TTC17: variants seen among roughly 807,000 people sequenced by gnomAD.
The protein encoded by TTC17 is tetratricopeptide repeat protein 17.
TTC17 carries 58 observed loss-of-function variants against 143.8 expected under a neutral mutation model. The observed-to-expected ratio is 0.40, with a 90% CI of 0.33 to 0.50. TTC17 has a LOEUF of 0.50. Ranked by LOEUF, TTC17 falls within the 20% of genes least tolerant of loss-of-function variation. The probability of loss-of-function intolerance (pLI) is 0.49; values close to 1 mark genes in which losing one functional copy is unlikely to be tolerated. For synonymous variants in TTC17, 501 were observed against 497.8 expected (o/e 1.01, Z -0.09); for missense variants, 1,273 against 1,392.5 (o/e 0.91, Z 1.37).
rs118154563 is a variant in TTC17, at chr11:43,476,819, C to T, written c.3031-13420C>T. On this transcript the variant is annotated intron_variant, in intron 21 of 23. Coordinates refer to ENST00000039989, the MANE Select transcript of TTC17 (RefSeq NM_018259.6). ...TGATGTGGCCTGGAGACATCTTCCC[C>T]ATGGTCTCAGGGATTAACATTAGAC... 2.4e-4 allele frequency among the ~76,000 whole-genome samples: 37 copies of T among 151,726 alleles called. 1 individual carries two copies. The East Asian group carries it at 6.6e-3, about 27-fold the overall frequency.
chr11:43,475,516 A>G (rs1452266109), intron 21 of TTC17, among the ~76,000 whole-genome samples: 4 of 152,168 alleles, frequency 2.6e-5, no homozygotes, highest in Non-Finnish European at 2.9e-5. Flanking sequence ...AATTTTTTAA[A>G]TAGAGACAAG....
intron 21 of TTC17, among the ~76,000 whole-genome samples, chr11:43,461,532 A>G (rs1340118097): frequency 6.6e-6 from 1 of 152,216 alleles, no homozygotes; most frequent in African/African-American, 2.4e-5. Context: ...TATGTGTTCA[A>G]ACAAACAAAA....
chr11:43,360,119 T>G (rs1856038017), intron 1 of TTC17, among the ~76,000 whole-genome samples: 1 of 152,198 alleles, frequency 6.6e-6, no homozygotes, highest in Non-Finnish European at 1.5e-5. Flanking sequence ...TCCTTTGGAT[T>G]GTGTGTAATG....
At chr11:43,365,836 C>T (rs1226191321) in intron 1 of TTC17, among the ~76,000 whole-genome samples, 3 of 152,150 alleles carry the variant, frequency 2.0e-5, no homozygotes, top group Non-Finnish European at 4.4e-5. Context: ...CTAAGAAATT[C>T]AGTTTTAGAT....
At chr11:43,380,588 T>G (rs1445877053) in intron 2 of TTC17, among the ~76,000 whole-genome samples, 1 of 152,260 alleles carries the variant, frequency 6.6e-6, no homozygotes. Flanking sequence ...CAAGTTGGCA[T>G]GTATTTTCTT....
At chr11:43,472,655 A>G (rs548457977) in intron 21 of TTC17, among the ~76,000 whole-genome samples, 1 of 152,266 alleles carries the variant, frequency 6.6e-6, no homozygotes, top group African/African-American at 2.4e-5. Context: ...CTTACTAAAA[A>G]GCAAACTTGA....
At chr11:43,399,844 G>T in intron 8 of TTC17, 44 bp from the exon 9 acceptor site, 1 of 1,550,718 alleles carries the variant, frequency 6.4e-7, no homozygotes, top group South Asian at 1.3e-5. Context: ...TAAAATTTAT[G>T]ATTTTATAGC....
intron 2 of TTC17, among the ~76,000 whole-genome samples, chr11:43,386,211 T>TG (rs974936449): frequency 1.3e-5 from 2 of 152,216 alleles, no homozygotes; most frequent in Admixed American, 6.5e-5. Context: ...AATCTAAGTA[T>TG]GAAAAGTGAA....
intron 16 of TTC17, among the ~76,000 whole-genome samples, chr11:43,425,849 T>C (rs985456233): frequency 1.3e-5 from 2 of 152,220 alleles, no homozygotes; most frequent in Non-Finnish European, 2.9e-5. Context: ...TTCACAGATA[T>C]TGAAAAGGCC....
chr11:43,466,124 A>G, intron 21 of TTC17, among the ~76,000 whole-genome samples: 1 of 152,346 alleles, frequency 6.6e-6, no homozygotes, highest in East Asian at 1.9e-4. Context: ...AAGGACTTGA[A>G]TGGTCATTTC....
At chr11:43,467,613 C>A (rs1301770920) in intron 21 of TTC17, among the ~76,000 whole-genome samples, 6 of 152,166 alleles carry the variant, frequency 3.9e-5, no homozygotes, top group Admixed American at 3.3e-4. Context: ...ATACTAAACA[C>A]TACTGAACTG....
intron 16 of TTC17, among the ~76,000 whole-genome samples, chr11:43,435,598 C>T (rs1023015542): frequency 6.6e-6 from 1 of 152,180 alleles, no homozygotes; most frequent in African/African-American, 2.4e-5. Context: ...TGACCAGAAC[C>T]TGTTTTCCAA....
chr11:43,391,765 A>T, intron 4 of TTC17, 56 bp from the exon 5 acceptor site: 1 of 1,582,550 alleles, frequency 6.3e-7, no homozygotes, highest in African/African-American at 1.4e-5. Flanking sequence ...ATACTGAATT[A>T]TTTGTCATCT....
intron 5 of TTC17, among the ~76,000 whole-genome samples, chr11:43,394,489 T>C (rs559189735): frequency 6.6e-6 from 1 of 152,186 alleles, no homozygotes; most frequent in African/African-American, 2.4e-5. Flanking sequence ...GTAGTGGAAA[T>C]GAGAGGACTT....
intron 2 of TTC17, among the ~76,000 whole-genome samples, chr11:43,387,139 T>TA (rs1269134365): frequency 6.6e-6 from 1 of 152,168 alleles, no homozygotes; most frequent in Non-Finnish European, 1.5e-5. Flanking sequence ...TAAGCAAACT[T>TA]AAACAGTTAA....
rs1345804467 is a variant in TTC17 at position 43,490,277 on chromosome 11, C to G, written c.3069C>G (p.Leu1023=). 4 of 1,613,076 alleles carry G rather than the reference C, an allele frequency of 2.5e-6. No individual in the cohort carries two copies. The Admixed American group carries it at 6.7e-5, about 27-fold the overall frequency. Residue 1023 remains leucine (L), a synonymous_variant, in exon 22 of 24, where the codon CTC becomes CTG. Coordinates refer to ENST00000039989, the MANE Select transcript of TTC17 (RefSeq NM_018259.6). ...TSWVLSSMAA[L]YWRVKGQGKK... Reference sequence around the variant, plus strand: ...GGGTCCTCTCCAGCATGGCAGCCCTCTACTGGAGGGTGAAAGGCCAAGGAA... The same window carrying G: ...GGGTCCTCTCCAGCATGGCAGCCCTGTACTGGAGGGTGAAAGGCCAAGGAA...
intron 15 of TTC17, among the ~76,000 whole-genome samples, chr11:43,411,253 A>G (rs1858399138): frequency 6.6e-6 from 1 of 152,120 alleles, no homozygotes; most frequent in African/African-American, 2.4e-5. Flanking sequence ...TAGTTCCTTG[A>G]ACATACTAAG....
chr11:43,385,490 C>A (rs1857135165), intron 2 of TTC17: 1 of 151,936 alleles, frequency 6.6e-6, no homozygotes, highest in Non-Finnish European at 1.5e-5. Flanking sequence ...AAAGAGAAAA[C>A]TCACAAAACT....
rs1856005574 is a variant in TTC17 at position 43,359,446 on chromosome 11, C to T, written c.159+333C>T. The T allele has an allele frequency of 1.9e-5, 6 of 307,846 alleles. No homozygotes were observed. In the East Asian group the frequency reaches 4.4e-4, roughly 23 times the overall value. The allele number at this position is 307,846 out of a possible 1,614,324, so 19.1% of individuals were successfully genotyped here. On this transcript the variant is annotated intron_variant, in intron 1 of 23. Transcript: ENST00000039989. ...TTAGAAATCACAGATTTCAGGATTC[C>T]TGCCTTTGGTGCCTCTCGGGTTCAC...
Sources: allele counts gnomAD v4.1 joint callset (sites outside exome capture counted in the v4.1 genomes callset), GRCh38; gene constraint gnomAD v4.1.1; transcripts MANE v1.5; gene names NCBI Gene and HGNC (gene_info 2026-07-23, HGNC 2026-07-21).